B4GALT6: variants seen among roughly 807,000 people sequenced by gnomAD.
B4GALT6 encodes the protein UDP-Gal:beta-GlcNAc beta-1,4-galactosyltransferase 6.
B4GALT6 carries 14 observed loss-of-function variants against 46.3 expected under a neutral mutation model. The ratio of observed to expected loss-of-function variants is 0.30; its 90% CI spans 0.20 to 0.47. The LOEUF (loss-of-function observed/expected upper bound fraction) is 0.47. Among genes scored for constraint, B4GALT6 ranks in the 20% least tolerant of loss-of-function variants. B4GALT6 has a pLI of 0.99. For missense variants in B4GALT6, 386 were observed against 480.1 expected, an observed-to-expected ratio of 0.80 and a Z score of 1.83; for synonymous variants, 168 against 162.0, an observed-to-expected ratio of 1.04 and a Z score of -0.28.
rs574590596 is a variant in B4GALT6, at chr18:31,640,385, T to C, written c.472-1625A>G. Among the ~76,000 whole-genome samples, 528 of 152,330 alleles carry C rather than the reference T, an allele frequency of 3.5e-3. 3 individuals carry two copies. Among genetic ancestry groups the C allele is most frequent in the African/African-American group, 0.012 (497 of 41,576 alleles). ...CATGTATTTTACGTTACCAGGATCATAGATGGCAGAAATTTTTAAATTATT... is the reference window on the plus strand; with the variant it reads ...CATGTATTTTACGTTACCAGGATCACAGATGGCAGAAATTTTTAAATTATT... On this transcript the variant is annotated intron_variant, in intron 4 of 8. Transcript: ENST00000306851.
rs1029628093 is a variant in B4GALT6, at chr18:31,624,619, T to A, written c.*995A>T. ...CTATTGGGTTTTCTTCCATAGATCA[T>A]TCTTTTAAAAAAACTGACTTGATTT... On this transcript the variant is annotated 3_prime_UTR_variant, in exon 9 of 9. Transcript: ENST00000306851. 4 of 152,066 alleles carry A rather than the reference T, an allele frequency of 2.6e-5. No individual in the cohort carries two copies. Among genetic ancestry groups the A allele is most frequent in the African/African-American group, 9.7e-5 (4 of 41,444 alleles). The allele number at this position is 152,066 out of a possible 1,614,324, so 9.4% of individuals were successfully genotyped here.
chr18:31,689,852 G>A (rs573004257), upstream of B4GALT6, among the ~76,000 whole-genome samples: 25 of 152,260 alleles, frequency 1.6e-4, no homozygotes, highest in Non-Finnish European at 3.7e-4. Flanking sequence ...CAGACACACA[G>A]GGCACCTTAG....
chr18:31,688,062 T>C (rs1267198295), upstream of B4GALT6, among the ~76,000 whole-genome samples: 1 of 152,052 alleles, frequency 6.6e-6, no homozygotes, highest in African/African-American at 2.4e-5. Flanking sequence ...TTACAATCAC[T>C]GATTAAAAAT....
chr18:31,719,939 A>C, the B4GALT6 span, among the ~76,000 whole-genome samples: 1 of 152,134 alleles, frequency 6.6e-6, no homozygotes, highest in Non-Finnish European at 1.5e-5. Flanking sequence ...CAATGTGGGG[A>C]GGTTCAGACT....
intron 3 of B4GALT6, among the ~76,000 whole-genome samples, chr18:31,656,481 T>C (rs1360947942): frequency 3.3e-5 from 5 of 151,730 alleles, no homozygotes; most frequent in African/African-American, 7.3e-5. Context: ...CAGTATAGTG[T>C]TTTTTTTAAA....
At chr18:31,703,889 G>A in the B4GALT6 span, among the ~76,000 whole-genome samples, 1 of 152,192 alleles carries the variant, frequency 6.6e-6, no homozygotes, top group Admixed American at 6.5e-5. Context: ...CAGCAGGGGT[G>A]AGAGGTTTAA....
chr18:31,724,301 T>C, the B4GALT6 span: 1 of 490,970 alleles, frequency 2.0e-6, no homozygotes, highest in Non-Finnish European at 3.2e-6. Flanking sequence ...GGGCCCCTCC[T>C]CACATGGCAA....
rs570808576 is a variant in B4GALT6, at chr18:31,672,852, C to T, written c.116-6480G>A. Among the ~76,000 whole-genome samples, 11 of 152,272 alleles carry T rather than the reference C, an allele frequency of 7.2e-5. No individual in the cohort carries two copies. In the South Asian group the frequency reaches 2.1e-3, roughly 29 times the overall value. ...CCAGCAAGCTAGCCCTTGACCATCACACCATTTAGCCTCTTTAAAAAGCCT... is the reference window on the plus strand; with the variant it reads ...CCAGCAAGCTAGCCCTTGACCATCATACCATTTAGCCTCTTTAAAAAGCCT... On this transcript the variant is annotated intron_variant, in intron 1 of 8. Coordinates refer to ENST00000306851, the MANE Select transcript of B4GALT6 (RefSeq NM_004775.5).
chr18:31,634,848 T>C (rs2073837698), intron 5 of B4GALT6, among the ~76,000 whole-genome samples: 1 of 152,202 alleles, frequency 6.6e-6, no homozygotes, highest in Admixed American at 6.5e-5. Flanking sequence ...GATTAAGACT[T>C]AAAAGGTTTG....
At chr18:31,699,636 G>GAAAAA in the B4GALT6 span, among the ~76,000 whole-genome samples, 1 of 104,144 alleles carries the variant, frequency 9.6e-6, no homozygotes, top group Non-Finnish European at 1.9e-5. Context: ...TCTCTTCCTG[G>GAAAAA]AAAAAAAAAA....
At chr18:31,650,834 T>C (rs957927738) in intron 3 of B4GALT6, among the ~76,000 whole-genome samples, 2 of 152,158 alleles carry the variant, frequency 1.3e-5, no homozygotes, top group South Asian at 4.1e-4. Context: ...AGTGGCGCCA[T>C]CTCGGCTCAC....
Position 31,666,254 on chromosome 18 carries a change from A to G in B4GALT6, c.232+2T>C. ...AAGGGGTTAAGCAGGAAGTAGTCTT[A>G]CCTGTACCGTTGAGCGTACTGTTTT... On this transcript the variant is annotated splice_donor_variant, in intron 2 of 8. Transcript: ENST00000306851. LOFTEE classifies it high-confidence loss of function. The G allele has an allele frequency of 6.5e-7, 1 of 1,547,554 alleles. No homozygotes were observed.
intron 1 of B4GALT6, among the ~76,000 whole-genome samples, chr18:31,666,709 T>C (rs1316632852): frequency 6.6e-6 from 1 of 152,252 alleles, no homozygotes; most frequent in Non-Finnish European, 1.5e-5. Flanking sequence ...TTATTACAGA[T>C]GCTCAATCCT....
At chr18:31,713,854 A>C in the B4GALT6 span, among the ~76,000 whole-genome samples, 4 of 152,244 alleles carry the variant, frequency 2.6e-5, no homozygotes, top group African/African-American at 9.6e-5. Flanking sequence ...GCTCGAGTTA[A>C]TTGGTGCGTC....
chr18:31,694,875 C>T, the B4GALT6 span, among the ~76,000 whole-genome samples: 1 of 152,088 alleles, frequency 6.6e-6, no homozygotes, highest in Non-Finnish European at 1.5e-5. Flanking sequence ...TATCCCAGAC[C>T]CTATTTGTCT....
At chr18:31,631,627 C>T (rs180733633) in intron 5 of B4GALT6, among the ~76,000 whole-genome samples, 2 of 151,984 alleles carry the variant, frequency 1.3e-5, no homozygotes, top group African/African-American at 4.8e-5. Flanking sequence ...AAAAAAAAGT[C>T]ATTAAAAATA....
At chr18:31,631,307 C>T (rs1465975651) in intron 5 of B4GALT6, among the ~76,000 whole-genome samples, 161 bp from the exon 6 acceptor site, 1 of 151,948 alleles carries the variant, frequency 6.6e-6, no homozygotes, top group Non-Finnish European at 1.5e-5. Context: ...CCACCTCAGC[C>T]TCCCAAGGTG....
At chr18:31,708,448 C>T in the B4GALT6 span, among the ~76,000 whole-genome samples, 1 of 152,054 alleles carries the variant, frequency 6.6e-6, no homozygotes, top group South Asian at 2.1e-4. Flanking sequence ...GCCTCTAGTC[C>T]CAGCTACTTG....
rs117731302 is a variant in B4GALT6 at position 31,628,301 on chromosome 18, A to G, written c.777-1180T>C. Among the ~76,000 whole-genome samples the G allele has an allele frequency of 5.0e-3, 768 of 152,330 alleles. 7 individuals carry two copies. The highest frequency in any genetic ancestry group is 7.7e-3 in the Non-Finnish European group (522 of 68,026). On this transcript the variant is annotated intron_variant, in intron 6 of 8. Coordinates refer to ENST00000306851, the MANE Select transcript of B4GALT6 (RefSeq NM_004775.5). Reference sequence around the variant, plus strand: ...ACTAGCTGGGGGTTCCACAGGGCCAATAAGCATTCTTGGCACCGTGTACTT... The same window carrying G: ...ACTAGCTGGGGGTTCCACAGGGCCAGTAAGCATTCTTGGCACCGTGTACTT...
Sources: allele counts gnomAD v4.1 joint callset (sites outside exome capture counted in the v4.1 genomes callset), GRCh38; gene constraint gnomAD v4.1.1; transcripts MANE v1.5; gene names NCBI Gene and HGNC (gene_info 2026-07-23, HGNC 2026-07-21).